ITPRID1: variants seen among roughly 807,000 people sequenced by gnomAD.
The protein encoded by ITPRID1 is ITPR interacting domain containing 1, also known as protein ITPRID1.
In ITPRID1, 96 loss-of-function variants were observed where a neutral mutation model predicts 95.4. The observed-to-expected ratio is 1.01, with a 90% CI of 0.85 to 1.19. The LOEUF (loss-of-function observed/expected upper bound fraction) is 1.19. Among genes scored for constraint, ITPRID1 ranks in the 50% most tolerant of loss-of-function variants. The pLI, the probability that ITPRID1 is intolerant of heterozygous loss-of-function variation, is 0.00. For synonymous variants in ITPRID1, 510 were observed against 453.6 expected, an observed-to-expected ratio of 1.12 and a Z score of -1.58; for missense variants, 1,339 against 1,252.9, an observed-to-expected ratio of 1.07 and a Z score of -1.04.
chr7:31,617,296 G>T (rs1052738898), intron 10 of ITPRID1, among the ~76,000 whole-genome samples: 1 of 151,532 alleles, frequency 6.6e-6, no homozygotes, highest in South Asian at 2.1e-4. Context: ...AATATAAATG[G>T]GTTTCTCAAC....
intron 12 of ITPRID1, among the ~76,000 whole-genome samples, chr7:31,645,742 T>A (rs932144306): frequency 6.6e-6 from 1 of 152,146 alleles, no homozygotes; most frequent in African/African-American, 2.4e-5. Context: ...GAGACATTTT[T>A]AGTTGTCACA....
chr7:31,646,505 A>G (rs1407819690), intron 12 of ITPRID1, among the ~76,000 whole-genome samples: 1 of 152,166 alleles, frequency 6.6e-6, no homozygotes, highest in East Asian at 1.9e-4. Context: ...CCTCATGGTA[A>G]GGACATTATT....
intron 5 of ITPRID1, among the ~76,000 whole-genome samples, chr7:31,564,899 G>A (rs2128141046): frequency 6.6e-6 from 1 of 152,264 alleles, no homozygotes; most frequent in East Asian, 1.9e-4. Context: ...CCCAATCCCT[G>A]TGAGAACTGG....
At chr7:31,594,724 G>A (rs1216068510) in intron 10 of ITPRID1, among the ~76,000 whole-genome samples, 2 of 152,098 alleles carry the variant, frequency 1.3e-5, no homozygotes, top group Non-Finnish European at 2.9e-5. Context: ...GTGTGTGGTG[G>A]TGCACGCCTG....
At chr7:31,572,701 A>T (rs536305892) in intron 7 of ITPRID1, among the ~76,000 whole-genome samples, 1 of 152,150 alleles carries the variant, frequency 6.6e-6, no homozygotes, top group African/African-American at 2.4e-5. Context: ...ACTATTAAAA[A>T]TTTTTTAACA....
chr7:31,636,335 G>A (rs753605861), intron 10 of ITPRID1, among the ~76,000 whole-genome samples: 4 of 152,138 alleles, frequency 2.6e-5, no homozygotes, highest in East Asian at 1.9e-4. Context: ...GTGTTCTAAC[G>A]TATAATTTCA....
intron 1 of ITPRID1, among the ~76,000 whole-genome samples, chr7:31,530,862 G>C (rs1783574423): frequency 6.6e-6 from 1 of 152,192 alleles, no homozygotes; most frequent in South Asian, 2.1e-4. Flanking sequence ...TATTGAAACT[G>C]ATCATGATTA....
At position 31,654,825 on chromosome 7, in the gene ITPRID1, A is replaced by C. The variant is rs1031095360; in HGVS notation, c.*1996A>C. The stretch of plus-strand genomic sequence containing the variant: ...TCACTTCTTAGCAAGTAACCTCAGA[A>C]ACTAATTCTATTGAAACCACCCACT... On this transcript the variant is annotated 3_prime_UTR_variant, in exon 15 of 15. Transcript: ENST00000615280. Among the ~76,000 whole-genome samples the C allele has an allele frequency of 6.6e-6, 1 of 152,144 alleles. No homozygotes were observed. The highest frequency in any genetic ancestry group is 1.5e-5 in the Non-Finnish European group (1 of 68,022).
rs956509922 is a variant in ITPRID1, at chr7:31,607,645, A to G, written c.1228+24454A>G. Among the ~76,000 whole-genome samples the G allele has an allele frequency of 2.0e-5, 3 of 151,942 alleles. No individual in the cohort carries two copies. The East Asian group carries it at 5.8e-4, about 29-fold the overall frequency. On this transcript the variant is annotated intron_variant, in intron 10 of 14. Coordinates refer to ENST00000615280, the MANE Select transcript of ITPRID1 (RefSeq NM_001257967.3). ...AATATGTGTTGGTCTGTTTTCATCC[A>G]TTAGGTTGGGTTCTCAGGGTCCATT...
At chr7:31,582,680 C>G (rs935808213) in intron 9 of ITPRID1, among the ~76,000 whole-genome samples, 13 of 151,962 alleles carry the variant, frequency 8.6e-5, no homozygotes, top group Non-Finnish European at 1.6e-4. Context: ...TTATTAATTT[C>G]TTTAAAAATT....
At chr7:31,626,309 T>G (rs907404433) in intron 10 of ITPRID1, among the ~76,000 whole-genome samples, 3 of 152,218 alleles carry the variant, frequency 2.0e-5, no homozygotes, top group Non-Finnish European at 4.4e-5. Context: ...GCATAACTCC[T>G]TTTGAAGAGT....
downstream of ITPRID1, among the ~76,000 whole-genome samples, chr7:31,656,794 A>G (rs1276123309): frequency 1.3e-5 from 2 of 152,084 alleles, no homozygotes; most frequent in Admixed American, 6.6e-5. Context: ...AGAATAGCTA[A>G]TGGAATCCCC....
At chr7:31,608,767 A>G (rs1405940756) in intron 10 of ITPRID1, among the ~76,000 whole-genome samples, 1 of 151,670 alleles carries the variant, frequency 6.6e-6, no homozygotes, top group Non-Finnish European at 1.5e-5. Flanking sequence ...GCGGATTTTT[A>G]TATACAAGAC....
intron 1 of ITPRID1, among the ~76,000 whole-genome samples, chr7:31,542,500 T>G (rs1028471234): frequency 6.6e-5 from 10 of 152,206 alleles, no homozygotes; most frequent in Non-Finnish European, 1.3e-4. Context: ...TCTAAGATTC[T>G]TTTTATATAA....
chr7:31,618,854 T>A (rs951055375), intron 10 of ITPRID1, among the ~76,000 whole-genome samples: 1 of 152,242 alleles, frequency 6.6e-6, no homozygotes, highest in South Asian at 2.1e-4. Context: ...GTTGTGATTA[T>A]CACTTTATTA....
intron 10 of ITPRID1, among the ~76,000 whole-genome samples, chr7:31,607,810 CTTCAT>C (rs752361844): frequency 8.6e-5 from 13 of 151,244 alleles, no homozygotes; most frequent in Non-Finnish European, 1.8e-4. Flanking sequence ...TCCCCTGTTT[CTTCAT>C]TTCTTTATTT....
At chr7:31,583,771 A>G (rs1294795537) in intron 10 of ITPRID1, among the ~76,000 whole-genome samples, 1 of 152,184 alleles carries the variant, frequency 6.6e-6, no homozygotes, top group Admixed American at 6.5e-5. Flanking sequence ...TGACTACCAT[A>G]GTGGAATGAA....
chr7:31,563,222 A>G (rs1014933288), intron 5 of ITPRID1, among the ~76,000 whole-genome samples: 1 of 152,250 alleles, frequency 6.6e-6, no homozygotes, highest in Admixed American at 6.5e-5. Context: ...TGCTGGAAGC[A>G]ATAGGGGTTT....
rs1413013082 is a variant in ITPRID1 at position 31,534,214 on chromosome 7, AG to A, written c.-97-15210del. On this transcript the variant is annotated intron_variant, in intron 1 of 14. Transcript: ENST00000615280. ...ACCAAACCAGTCCCTGGTGCCAAAA[AG>A]GTTGAGGACTGCTGGTCTAGGTGAA... 2.0e-5 allele frequency among the ~76,000 whole-genome samples: 3 copies of A among 152,262 alleles called. No individual in the cohort carries two copies. The East Asian group carries it at 5.8e-4, about 29-fold the overall frequency.
Sources: allele counts gnomAD v4.1 joint callset (sites outside exome capture counted in the v4.1 genomes callset), GRCh38; gene constraint gnomAD v4.1.1; transcripts MANE v1.5; gene names NCBI Gene and HGNC (gene_info 2026-07-23, HGNC 2026-07-21).